CHRNA9: variants seen among roughly 807,000 people sequenced by gnomAD.
CHRNA9 encodes the protein cholinergic receptor nicotinic alpha 9 subunit.
In CHRNA9, 24 loss-of-function variants were observed where a neutral mutation model predicts 36.8. The ratio of observed to expected loss-of-function variants is 0.65; its 90% CI spans 0.47 to 0.92. The LOEUF (loss-of-function observed/expected upper bound fraction) is 0.92, where lower values mean the gene tolerates loss of function less well. Among genes scored for constraint, CHRNA9 ranks in the 40% least tolerant of loss-of-function variants. CHRNA9 has a pLI of 0.00. For synonymous variants in CHRNA9, 231 were observed against 231.8 expected, an observed-to-expected ratio of 1.00 and a Z score of 0.03; for missense variants, 610 against 601.2, an observed-to-expected ratio of 1.01 and a Z score of -0.15.
Position 40,343,342 on chromosome 4 carries a change from C to T in CHRNA9, c.366-5540C>T, listed in dbSNP as rs1271374565. Among the ~76,000 whole-genome samples the T allele has an allele frequency of 2.0e-5, 3 of 152,234 alleles. No individual in the cohort carries two copies. The East Asian group carries it at 5.8e-4, about 29-fold the overall frequency. On this transcript the variant is annotated intron_variant, in intron 3 of 4. Coordinates refer to ENST00000310169, the MANE Select transcript of CHRNA9 (RefSeq NM_017581.4). ...CTCACAGTTCACATGGCTGGGGAGG[C>T]CTCACAATCATGGCTGAAGGCAAAT...
chr4:40,353,122 T>C (rs1348283011), intron 4 of CHRNA9, among the ~76,000 whole-genome samples: 1 of 152,036 alleles, frequency 6.6e-6, no homozygotes. Flanking sequence ...AAGTCCAGGA[T>C]TATATGCCTT....
chr4:40,352,689 T>C (rs958505087), intron 4 of CHRNA9, among the ~76,000 whole-genome samples: 2 of 152,224 alleles, frequency 1.3e-5, no homozygotes, highest in Non-Finnish European at 2.9e-5. Context: ...TTCATCTTCT[T>C]GGCTTTTTGT....
At chr4:40,353,062 A>C (rs977711319) in intron 4 of CHRNA9, among the ~76,000 whole-genome samples, 13 of 152,176 alleles carry the variant, frequency 8.5e-5, no homozygotes, top group Admixed American at 8.5e-4. Flanking sequence ...ACCACTTTAC[A>C]GAGTAGGAAA....
intron 3 of CHRNA9, among the ~76,000 whole-genome samples, chr4:40,339,171 T>G (rs1712421959): frequency 6.8e-6 from 1 of 146,250 alleles, no homozygotes. Context: ...CCCAGCTACT[T>G]GGGAGGCTGA....
At chr4:40,351,212 A>G (rs898805438) in intron 4 of CHRNA9, among the ~76,000 whole-genome samples, 5 of 151,502 alleles carry the variant, frequency 3.3e-5, no homozygotes, top group Non-Finnish European at 7.4e-5. Flanking sequence ...CGTGCCTGTA[A>G]TCCCAGCTAC....
At chr4:40,335,729 G>C in intron 1 of CHRNA9, 98 bp from the exon 2 acceptor site, 1 of 1,267,522 alleles carries the variant, frequency 7.9e-7, no homozygotes, top group Non-Finnish European at 1.1e-6. Context: ...CCTCGCCAGT[G>C]TTGGGCCATC....
intron 1 of CHRNA9, 68 bp downstream of exon 1, chr4:40,335,599 C>A: frequency 1.6e-6 from 2 of 1,281,932 alleles, no homozygotes; most frequent in Non-Finnish European, 2.3e-6. Flanking sequence ...GGAGGTGGGG[C>A]AGGACAGGGA....
intron 3 of CHRNA9, among the ~76,000 whole-genome samples, chr4:40,339,712 G>A (rs1258632450): frequency 6.7e-5 from 10 of 149,594 alleles, no homozygotes. Context: ...GCCCACGCTA[G>A]AGTGCAGTGG....
In CHRNA9 at chr4:40,335,957, TCA is replaced by T; in HGVS notation, c.196_197del (p.Gln66AspfsTer2). 6.2e-7 allele frequency: 1 copy of T among 1,613,100 alleles called. No individual in the cohort carries two copies. On this transcript the variant is annotated frameshift_variant, in exon 2 of 5. Transcript: ENST00000310169. LOFTEE classifies it high-confidence loss of function. ...LNVTLQITLS[Q>X]IKDMDERNQI... ...ATGTGACCCTGCAGATTACGCTCTC[TCA>T]GATTAAGGATATGGTGAGTAACACA...
At chr4:40,346,032 A>T (rs992685675) in intron 3 of CHRNA9, among the ~76,000 whole-genome samples, 3 of 73,964 alleles carry the variant, frequency 4.1e-5, no homozygotes, top group African/African-American at 6.8e-5. Flanking sequence ...TCTCAAACAA[A>T]CAACAACAAC....
intron 4 of CHRNA9, among the ~76,000 whole-genome samples, 165 bp from the exon 5 acceptor site, chr4:40,353,814 G>A (rs1406670805): frequency 6.6e-6 from 1 of 152,216 alleles, no homozygotes; most frequent in Non-Finnish European, 1.5e-5. Flanking sequence ...TAGAAGGCTA[G>A]ACCATTTAGG....
intron 3 of CHRNA9, among the ~76,000 whole-genome samples, chr4:40,343,045 G>A (rs1046211994): frequency 2.0e-5 from 3 of 152,220 alleles, no homozygotes; most frequent in Non-Finnish European, 4.4e-5. Context: ...AGTCTACGCT[G>A]AGGTTCCAGG....
chr4:40,338,361 A>G (rs1712386625), intron 3 of CHRNA9: 1 of 152,202 alleles, frequency 6.6e-6, no homozygotes. Flanking sequence ...CATTTCTACA[A>G]GCTCCGGAAG....
At chr4:40,351,799 T>C (rs557293674) in intron 4 of CHRNA9, among the ~76,000 whole-genome samples, 13 of 152,376 alleles carry the variant, frequency 8.5e-5, no homozygotes, top group African/African-American at 2.9e-4. Context: ...TTTCTGATGT[T>C]GAACTCTTTT....
In CHRNA9 at chr4:40,347,367, A is replaced by G. The variant is rs1008034517; in HGVS notation, c.366-1515A>G. Among the ~76,000 whole-genome samples the G allele has an allele frequency of 4.6e-5, 7 of 152,220 alleles. No homozygotes were observed. The East Asian group carries it at 1.3e-3, about 29-fold the overall frequency. ...TAAAGACTCAGCTACAGAGATGTCC[A>G]CTGCAGCATTGCTTATAAATACAAA... is the stretch of plus-strand genomic sequence containing the variant. On this transcript the variant is annotated intron_variant, in intron 3 of 4. Coordinates refer to ENST00000310169, the MANE Select transcript of CHRNA9 (RefSeq NM_017581.4).
rs763028831 is a variant in CHRNA9, at chr4:40,335,986, G to A, written c.210+14G>A. 7 of 1,605,476 alleles carry A rather than the reference G, an allele frequency of 4.4e-6. No individual in the cohort carries two copies. The highest frequency in any genetic ancestry group is 3.4e-4 in the Middle Eastern group (2 of 5,960). On this transcript the variant is annotated intron_variant, in intron 2 of 4. Transcript: ENST00000310169. ...ATTAAGGATATGGTGAGTAACACAT[G>A]GTGCTGACTCTGTGGAATGATTCTT...
At chr4:40,339,904 TGA>T (rs1712451563) in intron 3 of CHRNA9, among the ~76,000 whole-genome samples, 1 of 151,696 alleles carries the variant, frequency 6.6e-6, no homozygotes, top group African/African-American at 2.4e-5. Context: ...TGGGCTCAAG[TGA>T]TCCACCCAGC....
In CHRNA9 at chr4:40,337,323, C is replaced by T. The variant is rs754042546; in HGVS notation, c.324C>T (p.Pro108=). ...ATGGCCTAGACTCCATCAGGATCCC[C>T]AGTGACCTCGTGTGGAGGCCAGACA... ...QYDGLDSIRI[P]SDLVWRPDIV... The change falls in exon 3 of 5, where the codon CCC becomes CCT. Residue 108 remains proline (P), a synonymous_variant. Coordinates refer to ENST00000310169, the MANE Select transcript of CHRNA9 (RefSeq NM_017581.4). 1 of 1,614,206 alleles carries T rather than the reference C, an allele frequency of 6.2e-7. No individual in the cohort carries two copies. The highest frequency in any genetic ancestry group is 2.2e-5 in the East Asian group (1 of 44,888).
intron 3 of CHRNA9, among the ~76,000 whole-genome samples, chr4:40,341,241 T>G (rs898165795): frequency 5.5e-4 from 84 of 152,094 alleles, no homozygotes; most frequent in African/African-American, 2.0e-3. Context: ...AATTTTAAAT[T>G]TGAATTCATT....
Sources: allele counts gnomAD v4.1 joint callset (sites outside exome capture counted in the v4.1 genomes callset), GRCh38; gene constraint gnomAD v4.1.1; transcripts MANE v1.5; gene names NCBI Gene and HGNC (gene_info 2026-07-23, HGNC 2026-07-21).